CA5A: variants seen among roughly 807,000 people sequenced by gnomAD.
The protein encoded by CA5A is carbonic anhydrase 5A.
Under a neutral mutation model 37.1 loss-of-function variants are expected in CA5A, and 28 were observed. That is an observed-to-expected ratio of 0.75 (90% confidence interval 0.56 to 1.03). The LOEUF (loss-of-function observed/expected upper bound fraction) is 1.03, where lower values mean the gene tolerates loss of function less well. CA5A is among the 50% of genes least tolerant of loss of function. The pLI, the probability that CA5A is intolerant of heterozygous loss-of-function variation, is 0.00. For missense variants in CA5A, 444 were observed against 399.9 expected (o/e 1.11, Z -0.94); for synonymous variants, 171 against 158.4 (o/e 1.08, Z -0.60).
At chr16:87,902,059 A>G in intron 4 of CA5A, 85 bp from the exon 5 acceptor site, 1 of 1,256,604 alleles carries the variant, frequency 8.0e-7, no homozygotes, top group Non-Finnish European at 1.2e-6. Flanking sequence ...ACCACGTTTT[A>G]AAAGCAATCC....
chr16:87,883,018 A>ATTTTG (rs758016533), downstream of CA5A: 2 of 151,240 alleles, frequency 1.3e-5, no homozygotes, highest in Admixed American at 6.6e-5. Flanking sequence ...TTCTGGCTAG[A>ATTTTG]TTTTGTTTTG....
At position 87,926,764 on chromosome 16, in the gene CA5A, A is replaced by C. The variant is rs762232038; in HGVS notation, c.324T>G (p.Asp108Glu). 1 of 1,613,658 alleles carries C rather than the reference A, an allele frequency of 6.2e-7. No individual in the cohort carries two copies. ...TGYLFQVEFD[D>E]ATEASGISGG... ...GGCACTCACCTGATGCCTCGGTGGC[A>C]TCGTCAAATTCCACCTGGAAGAGGT... Residue 108 changes from aspartate to glutamate, a missense_variant, in exon 2 of 7, where the codon GAT becomes GAG. Physicochemically the swap from Asp to Glu is conservative, Grantham distance 45. Coordinates refer to ENST00000649794, the MANE Select transcript of CA5A (RefSeq NM_001739.2).
chr16:87,922,900 G>A (rs556264918), intron 2 of CA5A, among the ~76,000 whole-genome samples: 16 of 152,386 alleles, frequency 1.0e-4, no homozygotes, highest in Middle Eastern at 3.4e-3. Context: ...TCTGGCCGAG[G>A]AGTTCCCCAA....
At chr16:87,927,767 A>G (rs2056332557) in intron 1 of CA5A, among the ~76,000 whole-genome samples, 1 of 151,402 alleles carries the variant, frequency 6.6e-6, no homozygotes, top group Non-Finnish European at 1.5e-5. Context: ...AGGCTGAGGC[A>G]GGAGAATGGC....
chr16:87,893,667 C>T (rs1033016980), intron 5 of CA5A: 5 of 580,618 alleles, frequency 8.6e-6, no homozygotes, highest in African/African-American at 1.9e-5. Flanking sequence ...AGCCGAGGCT[C>T]GGGCTGGGTC....
intron 2 of CA5A, among the ~76,000 whole-genome samples, chr16:87,906,752 C>T (rs1262098794): frequency 2.0e-5 from 3 of 152,212 alleles, no homozygotes; most frequent in African/African-American, 2.4e-5. Flanking sequence ...CTCACTGCCC[C>T]TCTTCACTCA....
chr16:87,893,748 G>T, intron 5 of CA5A: 1 of 461,754 alleles, frequency 2.2e-6, no homozygotes, highest in South Asian at 1.7e-5. Flanking sequence ...AAATCAGAGA[G>T]GATTATTTTG....
rs563006197 is a variant in CA5A at position 87,899,357 on chromosome 16, T to C, written c.618+2555A>G. On this transcript the variant is annotated intron_variant, in intron 5 of 6. Transcript: ENST00000649794. The stretch of plus-strand genomic sequence containing the variant: ...TCGCTGTGTCACTCGGCCTGGAGTG[T>C]AGTGGCACAATCTGAGCTCACTGCA... 3.6e-3 allele frequency among the ~76,000 whole-genome samples: 509 copies of C among 140,934 alleles called. 4 individuals are homozygous for C. Among genetic ancestry groups the C allele is most frequent in the African/African-American group, 0.013 (486 of 37,604 alleles). 92.5% of individuals were successfully genotyped at this position (140,934 alleles called of 152,430 possible). A position where few individuals can be genotyped will look rare whatever the true frequency, so the allele number is the denominator to read the frequency against.
At chr16:87,924,916 G>A (rs895255908) in intron 2 of CA5A, among the ~76,000 whole-genome samples, 1 of 152,192 alleles carries the variant, frequency 6.6e-6, no homozygotes, top group East Asian at 1.9e-4. Flanking sequence ...TTCTCTCCCT[G>A]CAGCCTTTGC....
intron 2 of CA5A, among the ~76,000 whole-genome samples, chr16:87,912,777 A>G (rs568011957): frequency 8.7e-4 from 132 of 152,270 alleles, no homozygotes; most frequent in African/African-American, 2.8e-3. Context: ...ATGGGTTTCT[A>G]TTTGTCAGGT....
chr16:87,900,555 T>C (rs754882530), intron 5 of CA5A, among the ~76,000 whole-genome samples: 1 of 152,246 alleles, frequency 6.6e-6, no homozygotes, highest in Non-Finnish European at 1.5e-5. Context: ...TGGAATTCTT[T>C]TGTATGCTGC....
In CA5A at chr16:87,891,805, T is replaced by A. The variant is rs2055718230; in HGVS notation, c.768A>T (p.Pro256=). The change falls in exon 6 of 7, where the codon CCA becomes CCT. Residue 256 remains proline (P), a synonymous_variant. Transcript: ENST00000649794. ...AGTTACGGGCACGGCTCACCTGGCTTGGGGCCACTTCAACGGGCTCCTTCT... is the reference window on the plus strand; with the variant it reads ...AGTTACGGGCACGGCTCACCTGGCTAGGGGCCACTTCAACGGGCTCCTTCT... ...IIQKEPVEVA[P]SQLSAFRTLL... 1.3e-6 allele frequency: 2 copies of A among 1,527,606 alleles called. No homozygotes were observed. Among genetic ancestry groups the A allele is most frequent in the Non-Finnish European group, 1.8e-6 (2 of 1,141,218 alleles). 94.6% of individuals were successfully genotyped at this position (1,527,606 alleles called of 1,614,324 possible). A position where few individuals can be genotyped will look rare whatever the true frequency, so the allele number is the denominator to read the frequency against.
At chr16:87,913,923 C>G (rs1024631826) in intron 2 of CA5A, among the ~76,000 whole-genome samples, 4 of 152,190 alleles carry the variant, frequency 2.6e-5, no homozygotes, top group African/African-American at 9.7e-5. Context: ...ACGTCTACCA[C>G]GAGGAAGCGT....
rs1278259154 is a variant in CA5A, at chr16:87,926,732, C to T, written c.340+16G>A. The T allele has an allele frequency of 1.9e-5, 31 of 1,602,662 alleles. No individual in the cohort carries two copies. Among genetic ancestry groups the T allele is most frequent in the African/African-American group, 6.7e-5 (5 of 74,752 alleles). ...ACGGGAGAGGACAAAGCCCTCGAGC[C>T]CCAGCTGGCACTCACCTGATGCCTC... is the stretch of plus-strand genomic sequence containing the variant. On this transcript the variant is annotated intron_variant, in intron 2 of 6. Coordinates refer to ENST00000649794, the MANE Select transcript of CA5A (RefSeq NM_001739.2).
chr16:87,926,590 C>G (rs923607003), intron 2 of CA5A, among the ~76,000 whole-genome samples, 158 bp downstream of exon 2: 1 of 152,218 alleles, frequency 6.6e-6, no homozygotes, highest in African/African-American at 2.4e-5. Context: ...ACACCATCCC[C>G]CAGGTGTGTC....
rs144119823 is a variant in CA5A at position 87,893,388 on chromosome 16, A to C, written c.619-1434T>G. On this transcript the variant is annotated intron_variant, in intron 5 of 6. Transcript: ENST00000649794. ...GTGATCTGCCCACCTCGGCCTCCCAAAGTGTTGGGATTACAGGCGTGAGCC... is the reference window on the plus strand; with the variant it reads ...GTGATCTGCCCACCTCGGCCTCCCACAGTGTTGGGATTACAGGCGTGAGCC... The C allele has an allele frequency of 3.6e-3, 1,634 of 450,018 alleles. 18 individuals carry two copies. Among genetic ancestry groups the C allele is most frequent in the African/African-American group, 0.03 (1,490 of 50,292 alleles). 27.9% of individuals were successfully genotyped at this position (450,018 alleles called of 1,614,324 possible).
intron 2 of CA5A, among the ~76,000 whole-genome samples, chr16:87,909,689 G>A (rs8054247): frequency 0.35 from 53,306 of 152,124 alleles, 10,301 homozygotes; most frequent in East Asian, 0.59. Flanking sequence ...CATACACCTT[G>A]AGCCTCTTTC....
chr16:87,910,630 C>T (rs12933241), intron 2 of CA5A, among the ~76,000 whole-genome samples: 11 of 152,146 alleles, frequency 7.2e-5, no homozygotes, highest in Non-Finnish European at 8.8e-5. Flanking sequence ...CAGGCTGGAG[C>T]GCGGTGGGGT....
At chr16:87,914,742 A>T (rs1361863323) in intron 2 of CA5A, among the ~76,000 whole-genome samples, 2 of 152,140 alleles carry the variant, frequency 1.3e-5, no homozygotes, top group African/African-American at 4.8e-5. Context: ...GCAGTCCACA[A>T]GGTGGTCAGG....
Sources: allele counts gnomAD v4.1 joint callset (sites outside exome capture counted in the v4.1 genomes callset), GRCh38; gene constraint gnomAD v4.1.1; transcripts MANE v1.5; gene names NCBI Gene and HGNC (gene_info 2026-07-23, HGNC 2026-07-21).